LYPD6B: variants seen among roughly 807,000 people sequenced by gnomAD.
LYPD6B encodes ly6/PLAUR domain-containing protein 6B.
In LYPD6B, 17 loss-of-function variants were observed where a neutral mutation model predicts 22.8. The observed-to-expected ratio is 0.75, with a 90% CI of 0.51 to 1.12. LYPD6B has a LOEUF of 1.12. LYPD6B is among the 50% of genes most tolerant of loss of function. The pLI is 0.00. For missense variants in LYPD6B, 221 were observed against 258.3 expected, an observed-to-expected ratio of 0.86 and a Z score of 0.99; for synonymous variants, 106 against 91.6, an observed-to-expected ratio of 1.16 and a Z score of -0.90.
intron 1 of LYPD6B, among the ~76,000 whole-genome samples, chr2:149,098,111 A>C (rs770193976): frequency 3.9e-5 from 6 of 152,058 alleles, no homozygotes; most frequent in African/African-American, 7.2e-5. Context: ...AAATCCTACG[A>C]GATAATAGAC....
At chr2:149,198,222 T>A (rs1692943730) in intron 3 of LYPD6B, among the ~76,000 whole-genome samples, 2 of 151,926 alleles carry the variant, frequency 1.3e-5, no homozygotes. Context: ...TTGTATTTTT[T>A]AAGTAAAGAC....
rs147229267 is a variant in LYPD6B, at chr2:149,193,898, A to G, written c.78-11355A>G. ...AGGTATAATATTGCAATAAAAGAGT[A>G]CAGCCCAGAATATAGTATAGCCTCA... On this transcript the variant is annotated intron_variant, in intron 3 of 6. Coordinates refer to ENST00000409642, the MANE Select transcript of LYPD6B (RefSeq NM_177964.5). 5.4e-3 allele frequency among the ~76,000 whole-genome samples: 830 copies of G among 152,336 alleles called. 10 individuals carry two copies. The highest frequency in any genetic ancestry group is 0.019 in the African/African-American group (791 of 41,578).
chr2:149,082,636 G>T (rs1331565039), intron 1 of LYPD6B, among the ~76,000 whole-genome samples: 2 of 152,194 alleles, frequency 1.3e-5, no homozygotes, highest in Admixed American at 6.5e-5. Flanking sequence ...CTATGGTAAA[G>T]ATTAACCCCA....
intron 5 of LYPD6B, among the ~76,000 whole-genome samples, chr2:149,210,068 G>A (rs1693748941): frequency 1.3e-5 from 2 of 152,160 alleles, no homozygotes; most frequent in East Asian, 3.9e-4. Flanking sequence ...GTAAACTGCG[G>A]CACTGATGTC....
At chr2:149,053,478 C>A (rs1346848450) in intron 1 of LYPD6B, among the ~76,000 whole-genome samples, 1 of 152,086 alleles carries the variant, frequency 6.6e-6, no homozygotes, top group Non-Finnish European at 1.5e-5. Flanking sequence ...ACTATTGGGT[C>A]AAATATAATA....
intron 2 of LYPD6B, among the ~76,000 whole-genome samples, chr2:149,151,727 A>G (rs1689391006): frequency 6.6e-6 from 1 of 152,164 alleles, no homozygotes; most frequent in Non-Finnish European, 1.5e-5. Flanking sequence ...TTCTGTATAT[A>G]TTAAGCAATT....
chr2:149,163,046 G>GT (rs1690183697), intron 3 of LYPD6B, among the ~76,000 whole-genome samples: 2 of 152,138 alleles, frequency 1.3e-5, no homozygotes, highest in African/African-American at 2.4e-5. Flanking sequence ...AGGGGTCTCT[G>GT]TGGGGGGTGG....
intron 1 of LYPD6B, among the ~76,000 whole-genome samples, chr2:149,053,216 AC>A (rs898645067): frequency 6.6e-6 from 1 of 152,226 alleles, no homozygotes; most frequent in Non-Finnish European, 1.5e-5. Flanking sequence ...GTTAAAAAAA[AC>A]AAAATAGGAT....
At chr2:149,071,939 C>T (rs752139479) in intron 1 of LYPD6B, among the ~76,000 whole-genome samples, 1 of 152,106 alleles carries the variant, frequency 6.6e-6, no homozygotes, top group Non-Finnish European at 1.5e-5. Flanking sequence ...GTTTTACCCC[C>T]CTTTTTTTTT....
intron 1 of LYPD6B, among the ~76,000 whole-genome samples, chr2:149,042,717 CA>C (rs1395471293): frequency 2.6e-5 from 4 of 151,768 alleles, no homozygotes; most frequent in African/African-American, 9.7e-5. Flanking sequence ...GTGAGAAGTA[CA>C]GAAATAAAAA....
At chr2:149,180,512 A>C (rs1416954228) in intron 3 of LYPD6B, among the ~76,000 whole-genome samples, 1 of 152,174 alleles carries the variant, frequency 6.6e-6, no homozygotes, top group East Asian at 1.9e-4. Context: ...CCCCCAGAGG[A>C]GACTGAAGTG....
chr2:149,171,046 C>G (rs1690778930), intron 3 of LYPD6B, among the ~76,000 whole-genome samples: 1 of 152,076 alleles, frequency 6.6e-6, no homozygotes. Context: ...ATCCTGAAGC[C>G]CTGGCAGTTT....
chr2:149,114,228 A>G (rs1271139217), intron 1 of LYPD6B, among the ~76,000 whole-genome samples: 2 of 152,206 alleles, frequency 1.3e-5, no homozygotes, highest in Admixed American at 1.3e-4. Flanking sequence ...TCTTTTTCTG[A>G]GTGCACAACC....
chr2:149,212,100 G>A lies in LYPD6B; in HGVS notation c.329-892G>A, dbSNP rs144063832. Among the ~76,000 whole-genome samples the A allele has an allele frequency of 6.8e-3, 1,034 of 151,654 alleles. 9 individuals carry two copies. Among genetic ancestry groups the A allele is most frequent in the African/African-American group, 0.023 (959 of 41,360 alleles). Reference sequence around the variant, plus strand: ...TAGAAATTATTAGGTTGGTGCAGCCGGGCGCGGTGGCTCACGCCTGTAATC... The same window carrying A: ...TAGAAATTATTAGGTTGGTGCAGCCAGGCGCGGTGGCTCACGCCTGTAATC... On this transcript the variant is annotated intron_variant, in intron 5 of 6. Coordinates refer to ENST00000409642, the MANE Select transcript of LYPD6B (RefSeq NM_177964.5).
chr2:149,059,021 G>T (rs1427605548), intron 1 of LYPD6B, among the ~76,000 whole-genome samples: 1 of 152,182 alleles, frequency 6.6e-6, no homozygotes, highest in South Asian at 2.1e-4. Context: ...GGGCAGCCAC[G>T]GTCTCCATCT....
intron 3 of LYPD6B, among the ~76,000 whole-genome samples, chr2:149,202,805 T>C (rs1314259826): frequency 1.3e-5 from 2 of 152,192 alleles, no homozygotes; most frequent in Admixed American, 6.5e-5. Flanking sequence ...AAACTGGGGA[T>C]TTGTTCATAA....
At chr2:149,107,257 G>A (rs1380720918) in intron 1 of LYPD6B, among the ~76,000 whole-genome samples, 1 of 152,138 alleles carries the variant, frequency 6.6e-6, no homozygotes, top group Non-Finnish European at 1.5e-5. Flanking sequence ...GATACTAAGT[G>A]ACTAATGGAC....
chr2:149,116,720 A>C (rs1016718834), intron 1 of LYPD6B, among the ~76,000 whole-genome samples: 5 of 152,222 alleles, frequency 3.3e-5, no homozygotes, highest in African/African-American at 9.6e-5. Context: ...CTGACATATA[A>C]TGGGCACTCA....
chr2:149,086,839 T>C (rs539210349), intron 1 of LYPD6B, among the ~76,000 whole-genome samples: 1 of 152,318 alleles, frequency 6.6e-6, no homozygotes, highest in East Asian at 1.9e-4. Context: ...CATGGCTGTC[T>C]TTTCTCTGTG....
Sources: allele counts gnomAD v4.1 joint callset (sites outside exome capture counted in the v4.1 genomes callset), GRCh38; gene constraint gnomAD v4.1.1; transcripts MANE v1.5; gene names NCBI Gene and HGNC (gene_info 2026-07-23, HGNC 2026-07-21).